The following ALG8 variants were observed in gnomAD, a reference collection of about 807,000 sequenced individuals.
The protein encoded by ALG8 is dolichyl pyrophosphate Glc1Man9GlcNAc2 alpha-1,3-glucosyltransferase.
In ALG8, 48 loss-of-function variants were observed where a neutral mutation model predicts 70.2. The observed-to-expected ratio is 0.68, with a 90% confidence interval of 0.54 to 0.87. The LOEUF (loss-of-function observed/expected upper bound fraction) is 0.87. Ranked by LOEUF, ALG8 falls within the 40% of genes least tolerant of loss-of-function variation. The probability of loss-of-function intolerance (pLI) is 0.00; values close to 1 mark genes in which losing one functional copy is unlikely to be tolerated. For missense variants in ALG8, 572 were observed against 608.7 expected (o/e 0.94, Z 0.64); for synonymous variants, 234 against 229.0 (o/e 1.02, Z -0.20).
At chr11:78,102,420 A>G (rs1859835887) in intron 12 of ALG8, among the ~76,000 whole-genome samples, 1 of 152,168 alleles carries the variant, frequency 6.6e-6, no homozygotes, top group Non-Finnish European at 1.5e-5. Context: ...ATAATCCACT[A>G]TATGTATATA....
intron 9 of ALG8, 98 bp downstream of exon 9, chr11:78,109,344 C>G: frequency 6.6e-7 from 1 of 1,510,776 alleles, no homozygotes; most frequent in South Asian, 1.1e-5. Context: ...TGAAATTTAT[C>G]CTACAGTTGG....
intron 5 of ALG8, 53 bp downstream of exon 5, chr11:78,119,129 A>G (rs1860708342): frequency 1.4e-6 from 2 of 1,416,482 alleles, no homozygotes; most frequent in Non-Finnish European, 2.0e-6. Flanking sequence ...TTCCCTTTAC[A>G]ATCTAAAAAC....
At chr11:78,104,678 T>C (rs1859939096) in intron 10 of ALG8, 2 of 458,716 alleles carry the variant, frequency 4.4e-6, no homozygotes, top group Admixed American at 6.9e-5. Flanking sequence ...AGAATCTTGC[T>C]TCTGGCCGGG....
chr11:78,114,783 T>C (rs1217560854), intron 5 of ALG8: 4 of 412,730 alleles, frequency 9.7e-6, no homozygotes, highest in South Asian at 1.8e-5. Context: ...CTGGACAAAA[T>C]AGGGAGGCCC....
At chr11:78,107,507 C>G (rs903281553) in intron 9 of ALG8, among the ~76,000 whole-genome samples, 17 of 148,902 alleles carry the variant, frequency 1.1e-4, no homozygotes, top group African/African-American at 4.2e-4. Context: ...GTTTGAGCCA[C>G]CGCACCTAGC....
intron 8 of ALG8, among the ~76,000 whole-genome samples, chr11:78,110,412 G>A (rs191382512): frequency 9.9e-5 from 15 of 152,074 alleles, no homozygotes; most frequent in Non-Finnish European, 2.1e-4. Flanking sequence ...GGCTGGTCTC[G>A]AGCTCCTGAC....
intron 1 of ALG8, among the ~76,000 whole-genome samples, chr11:78,138,523 T>G (rs771657232): frequency 6.6e-6 from 1 of 152,130 alleles, no homozygotes; most frequent in Non-Finnish European, 1.5e-5. Flanking sequence ...TGGACTTACA[T>G]TCTATACATA....
chr11:78,107,041 A>G, intron 9 of ALG8, 95 bp from the exon 10 acceptor site: 2 of 1,430,640 alleles, frequency 1.4e-6, no homozygotes, highest in Non-Finnish European at 9.7e-7. Flanking sequence ...CATCTCTGAA[A>G]GACAGCCAAT....
chr11:78,123,322 AAAAAAAAAAAAAAAG>A (rs1354317706), intron 3 of ALG8, among the ~76,000 whole-genome samples: 60 of 145,198 alleles, frequency 4.1e-4, no homozygotes, highest in African/African-American at 6.4e-4. Flanking sequence ...AAAGAAAAAA[AAAAAAAAAAAAAAAG>A]AAAAAAAAGA....
intron 4 of ALG8, 142 bp from the exon 5 acceptor site, chr11:78,119,391 A>G: frequency 1.5e-6 from 1 of 655,404 alleles, no homozygotes; most frequent in Non-Finnish European, 2.7e-6. Context: ...CTGCTCATAA[A>G]TATGTTTTCT....
Position 78,104,373 on chromosome 11 carries a change from A to C in ALG8, c.1259T>G (p.Leu420Arg). Reference sequence around the variant, plus strand: ...CTGTTTACCTGGTGCAGTGAAGAGCAGAGGAAAGAGGGAATAATGTCCTGT... The same window carrying C: ...CTGTTTACCTGGTGCAGTGAAGAGCCGAGGAAAGAGGGAATAATGTCCTGT... ...TTTGHYSLFP[L>R]LFTAPELPIK... Residue 420 changes from leucine (L) to arginine (R), a missense_variant, in exon 11 of 13, where the codon CTG becomes CGG. Leu to Arg is a moderately radical substitution (Grantham distance 102). Transcript: ENST00000299626. The C allele has an allele frequency of 6.3e-7, 1 of 1,595,920 alleles. No homozygotes were observed. Among genetic ancestry groups the C allele is most frequent in the Non-Finnish European group, 8.5e-7 (1 of 1,170,922 alleles).
At position 78,104,447 on chromosome 11, in the gene ALG8, C is replaced by A. The variant is rs1314899289; in HGVS notation, c.1185G>T (p.Leu395Phe). Reference sequence around the variant, plus strand: ...AAGCGTCTCCTGCTTTTCCCACAGACAAAAGGCTAAAAATAAAAATAATTT... The same window carrying A: ...AAGCGTCTCCTGCTTTTCCCACAGAAAAAAGGCTAAAAATAAAAATAATTT... ...ILLAILPMSL[L>F]SVGKAGDASI... Residue 395 changes from leucine (L) to phenylalanine (F), a missense_variant, in exon 11 of 13, where the codon TTG (leucine) becomes TTT (phenylalanine). Physicochemically the swap from Leu to Phe is conservative, Grantham distance 22 (BLOSUM62 0). Transcript: ENST00000299626. The A allele has an allele frequency of 1.3e-6, 2 of 1,581,854 alleles. No individual in the cohort carries two copies. The highest frequency in any genetic ancestry group is 8.6e-7 in the Non-Finnish European group (1 of 1,163,058).
chr11:78,101,670 A>G (rs1859803270), intron 12 of ALG8, among the ~76,000 whole-genome samples: 1 of 152,176 alleles, frequency 6.6e-6, no homozygotes, highest in Non-Finnish European at 1.5e-5. Flanking sequence ...AAAAATGATA[A>G]TTATATACGT....
At chr11:78,122,640 C>A (rs1365368913) in intron 3 of ALG8, among the ~76,000 whole-genome samples, 2 of 152,116 alleles carry the variant, frequency 1.3e-5, no homozygotes, top group African/African-American at 4.8e-5. Flanking sequence ...CTATGCCTGG[C>A]CTTTCAACAA....
chr11:78,112,198 G>C (rs1860318228), intron 8 of ALG8, among the ~76,000 whole-genome samples: 3 of 152,100 alleles, frequency 2.0e-5, no homozygotes, highest in Admixed American at 2.0e-4. Flanking sequence ...GACTGTTTGA[G>C]CCCAGGAATT....
chr11:78,111,779 T>G (rs1320402218), intron 8 of ALG8, among the ~76,000 whole-genome samples: 1 of 152,184 alleles, frequency 6.6e-6, no homozygotes, highest in Non-Finnish European at 1.5e-5. Context: ...AATGAGAGAC[T>G]GTGTTATCCA....
chr11:78,114,219 G>A (rs774505315), intron 6 of ALG8, 47 bp downstream of exon 6: 1 of 1,611,716 alleles, frequency 6.2e-7, no homozygotes, highest in South Asian at 1.1e-5. Flanking sequence ...AGTCAACACA[G>A]TAAGGGAAAA....
chr11:78,105,896 A>G (rs1024135918), intron 10 of ALG8, among the ~76,000 whole-genome samples: 1 of 151,506 alleles, frequency 6.6e-6, no homozygotes, highest in Non-Finnish European at 1.5e-5. Flanking sequence ...TTTAGTAGAG[A>G]TGGGATTTTG....
chr11:78,139,333 C>A, intron 1 of ALG8, 161 bp downstream of exon 1: 1 of 739,362 alleles, frequency 1.4e-6, no homozygotes, highest in Admixed American at 2.4e-5. Flanking sequence ...GGGGCTAAGT[C>A]AAGTAACAAC....
Sources: allele counts gnomAD v4.1 joint callset (sites outside exome capture counted in the v4.1 genomes callset), GRCh38; gene constraint gnomAD v4.1.1; transcripts MANE v1.5; gene names NCBI Gene and HGNC (gene_info 2026-07-23, HGNC 2026-07-21).